The following DOCK2 variants were observed in gnomAD, a reference collection of about 807,000 sequenced individuals.
DOCK2 encodes dedicator of cytokinesis protein 2.
A neutral mutation model predicts 248.9 loss-of-function variants in DOCK2; 87 were observed. The observed-to-expected ratio is 0.35, with a 90% CI of 0.29 to 0.42. The LOEUF (loss-of-function observed/expected upper bound fraction) is 0.42. Ranked by LOEUF, DOCK2 falls within the 10% of genes least tolerant of loss-of-function variation. The pLI is 1.00. For missense variants in DOCK2, 1,747 were observed against 2,300.2 expected, an observed-to-expected ratio of 0.76 and a Z score of 4.92; for synonymous variants, 805 against 821.6, an observed-to-expected ratio of 0.98 and a Z score of 0.35.
At chr5:169,837,681 C>T (rs1769676570) in intron 26 of DOCK2, among the ~76,000 whole-genome samples, 1 of 152,076 alleles carries the variant, frequency 6.6e-6, no homozygotes, top group Non-Finnish European at 1.5e-5. Flanking sequence ...ATTTTATAAA[C>T]AAAGAAACAG....
chr5:169,751,516 A>G lies in DOCK2; in HGVS notation c.2376+4012A>G, dbSNP rs183139720. ...TTGATGTTCCTGGTTCAAACTTTTC[A>G]CATCCAGCTGGGTAGCGGCTTATGT... On this transcript the variant is annotated intron_variant, in intron 23 of 51. Coordinates refer to ENST00000520908, the MANE Select transcript of DOCK2 (RefSeq NM_004946.3). 2.0e-5 allele frequency among the ~76,000 whole-genome samples: 3 copies of G among 152,318 alleles called. No homozygotes were observed. In the East Asian group the frequency reaches 5.8e-4, roughly 29 times the overall value.
At chr5:170,079,294 T>C (rs1228425164) in intron 49 of DOCK2, 148 bp downstream of exon 49, 1 of 1,148,708 alleles carries the variant, frequency 8.7e-7, no homozygotes. Context: ...CCTGAGGAGC[T>C]GAGAGGTGAA....
intron 27 of DOCK2, among the ~76,000 whole-genome samples, chr5:169,966,000 TC>T (rs1777283069): frequency 6.6e-6 from 1 of 152,202 alleles, no homozygotes; most frequent in Non-Finnish European, 1.5e-5. Flanking sequence ...GACCTAGGTT[TC>T]CCTAGGATGA....
At chr5:169,696,947 A>C (rs775510202) in intron 10 of DOCK2, among the ~76,000 whole-genome samples, 40 of 151,972 alleles carry the variant, frequency 2.6e-4, no homozygotes, top group Non-Finnish European at 4.7e-4. Context: ...TGGTTAATTC[A>C]TGAAATCCTC....
In DOCK2 at chr5:170,083,318, C is replaced by G. The variant is rs542987018; in HGVS notation, c.*460C>G. ...TACAACCAACCAGTTTCTTTTCTAG[C>G]CAATCATCTCTGAAGAGTTGCTGTT... On this transcript the variant is annotated 3_prime_UTR_variant, in exon 52 of 52. Coordinates refer to ENST00000520908, the MANE Select transcript of DOCK2 (RefSeq NM_004946.3). The G allele has an allele frequency of 6.5e-6, 1 of 153,720 alleles. No individual in the cohort carries two copies. The highest frequency in any genetic ancestry group is 6.5e-5 in the Admixed American group (1 of 15,492). 9.5% of individuals were successfully genotyped at this position (153,720 alleles called of 1,614,324 possible).
intron 1 of DOCK2, among the ~76,000 whole-genome samples, chr5:169,646,809 A>C (rs960519239): frequency 6.6e-6 from 1 of 152,238 alleles, no homozygotes; most frequent in African/African-American, 2.4e-5. Context: ...TAGTAAACAA[A>C]TACAATAGGT....
Position 170,055,650 on chromosome 5 carries a change from G to A in DOCK2, c.4295+264G>A, listed in dbSNP as rs538169271. Among the ~76,000 whole-genome samples the A allele has an allele frequency of 2.9e-4, 44 of 152,342 alleles. 1 individual carries two copies. In the South Asian group the frequency reaches 8.5e-3, roughly 29 times the overall value. ...GCAAGCATCGAGCATTTGCTCAACT[G>A]GATGCAGTCAGCCTATTTGTTGCTC... On this transcript the variant is annotated intron_variant, in intron 42 of 51. Coordinates refer to ENST00000520908, the MANE Select transcript of DOCK2 (RefSeq NM_004946.3).
At chr5:170,013,247 T>A (rs73312349) in intron 32 of DOCK2, among the ~76,000 whole-genome samples, 2,971 of 151,844 alleles carry the variant, frequency 0.02, 114 homozygotes, top group African/African-American at 0.069. Context: ...ATGGGATTAG[T>A]GTGGCCATCC....
At chr5:169,737,910 G>A (rs1763122544) in intron 22 of DOCK2, among the ~76,000 whole-genome samples, 1 of 152,252 alleles carries the variant, frequency 6.6e-6, no homozygotes, top group Admixed American at 6.5e-5. Context: ...CGAGGAGGGA[G>A]TTTTGGGAAC....
intron 32 of DOCK2, among the ~76,000 whole-genome samples, chr5:170,012,732 G>A (rs1019550162): frequency 3.9e-5 from 6 of 152,172 alleles, no homozygotes; most frequent in East Asian, 1.9e-4. Flanking sequence ...GTATAGCATC[G>A]TAACACTTGA....
At chr5:169,826,065 CCCATCCATTCATTCTTTCATCCAA>C (rs941699750) in intron 26 of DOCK2, among the ~76,000 whole-genome samples, 1 of 152,146 alleles carries the variant, frequency 6.6e-6, no homozygotes, top group African/African-American at 2.4e-5. Context: ...ATGTTACTCA[CCCATCCATTCATTCTTTCATCCAA>C]CCATCCATCC....
At chr5:169,733,843 G>A (rs1762907267) in intron 22 of DOCK2, among the ~76,000 whole-genome samples, 1 of 152,034 alleles carries the variant, frequency 6.6e-6, no homozygotes, top group Admixed American at 6.5e-5. Context: ...TTGATGTTCT[G>A]CAGTTTCACC....
intron 22 of DOCK2, among the ~76,000 whole-genome samples, chr5:169,731,023 T>C (rs1192398432): frequency 6.6e-6 from 1 of 151,988 alleles, no homozygotes; most frequent in African/African-American, 2.4e-5. Flanking sequence ...CTAGGACTAA[T>C]GCCCAGCTAA....
intron 2 of DOCK2, among the ~76,000 whole-genome samples, chr5:169,655,936 C>T (rs985113703): frequency 1.1e-4 from 16 of 152,120 alleles, no homozygotes; most frequent in Non-Finnish European, 8.8e-5. Context: ...GAGGGGATAC[C>T]GTACACTTTT....
At chr5:170,075,087 C>T (rs931479138) in intron 46 of DOCK2, among the ~76,000 whole-genome samples, 1 of 152,218 alleles carries the variant, frequency 6.6e-6, no homozygotes, top group Non-Finnish European at 1.5e-5. Flanking sequence ...TTCTGGGAGA[C>T]CTCCAATAGA....
intron 27 of DOCK2, among the ~76,000 whole-genome samples, chr5:169,910,668 A>G (rs946183554): frequency 6.6e-6 from 1 of 152,210 alleles, no homozygotes; most frequent in African/African-American, 2.4e-5. Context: ...GAAGTCCCCA[A>G]AATGACCTGT....
chr5:169,753,356 A>AC lies in DOCK2; in HGVS notation c.2376+5861dup, dbSNP rs1166233661. The stretch of plus-strand genomic sequence containing the variant: ...TTGTCCCGATGTTCTCCCTGCCCTC[A>AC]CCCCCCCCCACCCCCTGACAGCTCC... On this transcript the variant is annotated intron_variant, in intron 23 of 51. Transcript: ENST00000520908. 6.1e-3 allele frequency among the ~76,000 whole-genome samples: 854 copies of AC among 140,014 alleles called. 1 individual carries two copies. The highest frequency in any genetic ancestry group is 0.022 in the Middle Eastern group (6 of 272). 91.9% of individuals were successfully genotyped at this position (140,014 alleles called of 152,430 possible). A position where few individuals can be genotyped will look rare whatever the true frequency, so the allele number is the denominator to read the frequency against.
intron 40 of DOCK2, among the ~76,000 whole-genome samples, chr5:170,049,344 A>T (rs145447585): frequency 0.02 from 3,024 of 152,200 alleles, 37 homozygotes; most frequent in Non-Finnish European, 0.033. Context: ...CCATCTCTTG[A>T]CCTCATGATC....
Position 169,910,878 on chromosome 5 carries a change from C to A in DOCK2, c.2799+70026C>A, listed in dbSNP as rs73800234. 4.3e-3 allele frequency among the ~76,000 whole-genome samples: 662 copies of A among 152,322 alleles called. 8 individuals are homozygous for A. Among genetic ancestry groups the A allele is most frequent in the African/African-American group, 0.015 (644 of 41,580 alleles). On this transcript the variant is annotated intron_variant, in intron 27 of 51. Transcript: ENST00000520908. ...CAGCCCACCTAGTCGGTTTCTCCTG[C>A]AGGGGGTTGGTTAACCATTTGTCCT...
Sources: allele counts gnomAD v4.1 joint callset (sites outside exome capture counted in the v4.1 genomes callset), GRCh38; gene constraint gnomAD v4.1.1; transcripts MANE v1.5; gene names NCBI Gene and HGNC (gene_info 2026-07-23, HGNC 2026-07-21).